Variants in DNAI4 observed in about 807,000 individuals in gnomAD.
DNAI4 encodes the protein WD repeat domain 78.
DNAI4 carries 85 observed loss-of-function variants against 105.8 expected under a neutral mutation model. The ratio of observed to expected loss-of-function variants is 0.80; its 90% CI spans 0.67 to 0.96. The LOEUF is 0.96. DNAI4 is among the 40% of genes least tolerant of loss of function. The pLI, the probability that DNAI4 is intolerant of heterozygous loss-of-function variation, is 0.00. For synonymous variants in DNAI4, 352 were observed against 331.5 expected (o/e 1.06, Z -0.67); for missense variants, 1,014 against 1,005.6 (o/e 1.01, Z -0.11).
Position 66,827,902 on chromosome 1 carries a change from A to G in DNAI4, c.2022T>C (p.Asn674=). 6.2e-7 allele frequency: 1 copy of G among 1,600,674 alleles called. No individual in the cohort carries two copies. Among genetic ancestry groups the G allele is most frequent in the African/African-American group, 1.3e-5 (1 of 74,416 alleles). The change falls in exon 14 of 17, where the codon AAT becomes AAC. Residue 674 remains asparagine (N), a synonymous_variant. Coordinates refer to ENST00000371026, the MANE Select transcript of DNAI4 (RefSeq NM_024763.5). The part of the protein sequence containing the change: ...MCFAFHPKDT[N]IYLAGTEEGH... The stretch of plus-strand genomic sequence containing the variant: ...CTTCTTCAGTGCCAGCCAAATAGAT[A>G]TTTGTGTCCTACAACACAAAACATC...
At chr1:66,898,940 C>T (rs932458005) in intron 2 of DNAI4, among the ~76,000 whole-genome samples, 3 of 152,268 alleles carry the variant, frequency 2.0e-5, no homozygotes, top group Middle Eastern at 3.4e-3. Context: ...ATCAGTGCTT[C>T]ATTCCTTTTT....
intron 16 of DNAI4, among the ~76,000 whole-genome samples, chr1:66,815,600 A>T (rs1293921620): frequency 6.6e-6 from 1 of 152,166 alleles, no homozygotes; most frequent in Non-Finnish European, 1.5e-5. Flanking sequence ...AATAGTAAAA[A>T]TAGTATCCAG....
intron 8 of DNAI4, among the ~76,000 whole-genome samples, chr1:66,842,067 T>C (rs535011521): frequency 6.6e-6 from 1 of 152,328 alleles, no homozygotes; most frequent in South Asian, 2.1e-4. Flanking sequence ...AAACGTTATA[T>C]AGTCGGAATC....
intron 2 of DNAI4, among the ~76,000 whole-genome samples, chr1:66,902,234 G>T (rs144463206): frequency 1.3e-5 from 2 of 151,706 alleles, no homozygotes; most frequent in East Asian, 1.9e-4. Context: ...ATTTTGTTTT[G>T]TTTTTTTTAA....
chr1:66,871,738 C>G (rs1646851590), intron 5 of DNAI4, among the ~76,000 whole-genome samples: 1 of 152,174 alleles, frequency 6.6e-6, no homozygotes, highest in African/African-American at 2.4e-5. Context: ...GGTACCTTAT[C>G]AATAACATGC....
intron 7 of DNAI4, among the ~76,000 whole-genome samples, chr1:66,851,064 A>T (rs1018109039): frequency 1.3e-5 from 2 of 151,980 alleles, no homozygotes; most frequent in Non-Finnish European, 2.9e-5. Flanking sequence ...AAAAAATTGG[A>T]TTAAAAAACA....
At chr1:66,841,891 A>C (rs1335906579) in intron 8 of DNAI4, among the ~76,000 whole-genome samples, 4 of 152,202 alleles carry the variant, frequency 2.6e-5, no homozygotes, top group African/African-American at 7.2e-5. Context: ...ATATTCTATA[A>C]GCTTTGACAA....
Position 66,826,840 on chromosome 1 carries a change from A to T in DNAI4, c.2319T>A (p.Ile773=). The stretch of plus-strand genomic sequence containing the variant: ...CTTACGTGCTGATATGAAGGTCCCA[A>T]ATCTCCACCCTGTTCTCATTTGCAG... ...FAAANENRVE[I]WDLHISTLDP... is the part of the protein sequence containing the mutation. The change falls in exon 15 of 17, where the codon ATT becomes ATA. Residue 773 remains isoleucine (I), a synonymous_variant. Transcript: ENST00000371026. 6.2e-7 allele frequency: 1 copy of T among 1,614,132 alleles called. No individual in the cohort carries two copies. The highest frequency in any genetic ancestry group is 8.5e-7 in the Non-Finnish European group (1 of 1,180,008).
chr1:66,824,348 C>G (rs1332040353), intron 15 of DNAI4, among the ~76,000 whole-genome samples: 1 of 151,204 alleles, frequency 6.6e-6, no homozygotes, highest in Non-Finnish European at 1.5e-5. Flanking sequence ...TAGTGTGATG[C>G]CTCCAGCTTT....
chr1:66,878,998 C>A (rs977154079), intron 4 of DNAI4, among the ~76,000 whole-genome samples: 2 of 152,074 alleles, frequency 1.3e-5, no homozygotes, highest in Non-Finnish European at 2.9e-5. Context: ...GTCTGTATTC[C>A]ATTGTAGGAT....
At chr1:66,885,325 T>A (rs928504585) in intron 4 of DNAI4, among the ~76,000 whole-genome samples, 1 of 152,246 alleles carries the variant, frequency 6.6e-6, no homozygotes, top group Non-Finnish European at 1.5e-5. Context: ...GTCATTTTTC[T>A]TTTGCCTGAT....
intron 9 of DNAI4, among the ~76,000 whole-genome samples, chr1:66,839,403 T>C (rs1479748062): frequency 2.0e-5 from 3 of 152,232 alleles, no homozygotes; most frequent in Admixed American, 2.0e-4. Context: ...TAATGTGTTA[T>C]TTAGGTTTCA....
intron 1 of DNAI4, 68 bp downstream of exon 1, chr1:66,924,594 T>G (rs1035633965): frequency 6.2e-7 from 1 of 1,607,868 alleles, no homozygotes; most frequent in Non-Finnish European, 8.5e-7. Context: ...AGAAATGGTA[T>G]CTATTAATAG....
At chr1:66,861,703 C>T (rs1350163854) in intron 7 of DNAI4, among the ~76,000 whole-genome samples, 5 of 152,094 alleles carry the variant, frequency 3.3e-5, no homozygotes, top group African/African-American at 1.2e-4. Flanking sequence ...CCCTCATAGT[C>T]ATGAAAAACA....
At chr1:66,880,277 C>A (rs755621301) in intron 4 of DNAI4, among the ~76,000 whole-genome samples, 1 of 152,078 alleles carries the variant, frequency 6.6e-6, no homozygotes, top group African/African-American at 2.4e-5. Flanking sequence ...TGTAGACACC[C>A]GAAAATGTGG....
At chr1:66,923,448 A>C (rs1341049544) in intron 1 of DNAI4, among the ~76,000 whole-genome samples, 1 of 152,240 alleles carries the variant, frequency 6.6e-6, no homozygotes, top group Non-Finnish European at 1.5e-5. Flanking sequence ...GTAGTGAGGA[A>C]CAGATACCAG....
rs746797131 is a variant in DNAI4, at chr1:66,847,580, T to G, written c.1195A>C (p.Lys399Gln). 2 of 1,614,034 alleles carry G rather than the reference T, an allele frequency of 1.2e-6. No homozygotes were observed. The highest frequency in any genetic ancestry group is 1.7e-6 in the Non-Finnish European group (2 of 1,179,954). Residue 399 changes from lysine (K) to glutamine (Q), a missense_variant, in exon 8 of 17, where the codon AAA becomes CAA. Physicochemically the swap from Lys to Gln is moderately conservative, Grantham distance 53 (BLOSUM62 1). Transcript: ENST00000371026. ...DHSDAILKSD[K>Q]FHQDLFFMER... Reference sequence around the variant, plus strand: ...ATAAAAAATAAGTCCTGATGAAATTTGTCAGATTTTAATATTGCATCTGAG... The same window carrying G: ...ATAAAAAATAAGTCCTGATGAAATTGGTCAGATTTTAATATTGCATCTGAG...
intron 3 of DNAI4, 105 bp downstream of exon 3, chr1:66,893,124 A>AGAAAGAAAGAAG (rs1557965856): frequency 3.7e-6 from 2 of 541,748 alleles, no homozygotes; most frequent in Non-Finnish European, 6.0e-6. Flanking sequence ...AAAGAAAGAA[A>AGAAAGAAAGAAG]CTGGGAGACT....
chr1:66,851,871 T>C (rs1245723485), intron 7 of DNAI4, among the ~76,000 whole-genome samples: 1 of 151,140 alleles, frequency 6.6e-6, no homozygotes, highest in African/African-American at 2.4e-5. Flanking sequence ...ATTGAGAATA[T>C]AGAAGAGAAA....
Sources: gnomAD v4.1 joint callset for allele counts (sites outside exome capture counted in the v4.1 genomes callset) on GRCh38, gnomAD v4.1.1 for gene constraint, MANE v1.5 for transcripts, NCBI Gene and HGNC (gene_info 2026-07-23, HGNC 2026-07-21) for gene names.